Variants in KCNT1 observed in about 807,000 individuals in gnomAD.
KCNT1 encodes potassium channel subfamily T member 1.
KCNT1 carries 78 observed loss-of-function variants against 147.8 expected under a neutral mutation model. That is an observed-to-expected ratio of 0.53 (90% CI 0.44 to 0.64). The LOEUF is 0.64. KCNT1 is among the 30% of genes least tolerant of loss of function. KCNT1 has a pLI of 0.00. For synonymous variants in KCNT1, 867 were observed against 748.8 expected (o/e 1.16, Z -2.58); for missense variants, 1,419 against 1,750.3 (o/e 0.81, Z 3.38).
At chr9:135,782,075 G>T (rs751326795) in intron 24 of KCNT1, among the ~76,000 whole-genome samples, 1 of 152,278 alleles carries the variant, frequency 6.6e-6, no homozygotes, top group Non-Finnish European at 1.5e-5. Flanking sequence ...GCCGGGCGTG[G>T]TGGCTGTAAC....
At chr9:135,757,533 C>G (rs1437343452) in intron 9 of KCNT1, 152 bp downstream of exon 9, 1 of 682,288 alleles carries the variant, frequency 1.5e-6, no homozygotes, top group Non-Finnish European at 2.5e-6. Flanking sequence ...AACTCTGTCT[C>G]TGCTCCTGGA....
At chr9:135,770,102 C>A (rs373222740) in intron 16 of KCNT1, 47 bp downstream of exon 16, 6 of 1,493,822 alleles carry the variant, frequency 4.0e-6, no homozygotes, top group Non-Finnish European at 5.4e-6. Context: ...GCGGGGCCGG[C>A]GCAGGGAGAC....
chr9:135,786,269 G>A lies in KCNT1; in HGVS notation c.3250G>A (p.Gly1084Ser). The stretch of plus-strand genomic sequence containing the variant: ...GAAGGGGCCCTGGGGCTCCCGCGCT[G>A]GCACCGGAGGCAGCTCCCAGGGCCG... ...EVKGPWGSRA[G>S]TGGSSQGRHT... is the part of the protein sequence containing the mutation. Residue 1084 changes from glycine (G) to serine (S), a missense_variant, in exon 29 of 31, where the codon GGC becomes AGC. Transcript: ENST00000371757. 6.2e-7 allele frequency: 1 copy of A among 1,609,988 alleles called. No individual in the cohort carries two copies. Among genetic ancestry groups the A allele is most frequent in the Non-Finnish European group, 8.5e-7 (1 of 1,179,006 alleles).
chr9:135,751,058 G>A lies in KCNT1; in HGVS notation c.434+17G>A. The A allele has an allele frequency of 1.2e-6, 2 of 1,604,224 alleles. No individual in the cohort carries two copies. Among genetic ancestry groups the A allele is most frequent in the Non-Finnish European group, 1.7e-6 (2 of 1,177,588 alleles). ...CATCGGATGGTGGGCCACGTGCGCG[G>A]CCGGGCGCGGGGTCCCGGGTCCCAG... is the stretch of plus-strand genomic sequence containing the variant. On this transcript the variant is annotated intron_variant, in intron 4 of 30. Transcript: ENST00000371757.
At chr9:135,723,089 A>G (rs2131344449) in intron 2 of KCNT1, among the ~76,000 whole-genome samples, 1 of 152,316 alleles carries the variant, frequency 6.6e-6, no homozygotes, top group South Asian at 2.1e-4. Flanking sequence ...AACAGCGGCC[A>G]CTGTGTGAGT....
At chr9:135,779,237 A>G in intron 23 of KCNT1, 122 bp from the exon 24 acceptor site, 1 of 399,470 alleles carries the variant, frequency 2.5e-6, no homozygotes, top group Non-Finnish European at 4.4e-6. Flanking sequence ...CCCTGCCCTG[A>G]GACCCCCCCA....
intron 13 of KCNT1, among the ~76,000 whole-genome samples, chr9:135,767,841 TG>T (rs1194328309): frequency 1.3e-5 from 2 of 151,906 alleles, no homozygotes; most frequent in East Asian, 3.9e-4. Flanking sequence ...GAACAGGGCC[TG>T]GGGGAGGAAG....
intron 29 of KCNT1, 21 bp from the exon 30 acceptor site, chr9:135,791,776 G>A (rs1834551809): frequency 6.2e-7 from 1 of 1,611,512 alleles, no homozygotes; most frequent in African/African-American, 1.3e-5. Context: ...GGTGACGTCT[G>A]CCCGGCTGTG....
intron 11 of KCNT1, among the ~76,000 whole-genome samples, chr9:135,760,150 G>A (rs1355864575): frequency 6.6e-6 from 1 of 152,174 alleles, no homozygotes; most frequent in Non-Finnish European, 1.5e-5. Context: ...CCAGGCCCAG[G>A]CAGAGTGCAG....
intron 4 of KCNT1, among the ~76,000 whole-genome samples, chr9:135,751,518 G>A (rs1472847265): frequency 1.3e-5 from 2 of 152,268 alleles, no homozygotes; most frequent in South Asian, 2.1e-4. Flanking sequence ...GGGACTTCTG[G>A]GAGAGGTGCT....
intron 11 of KCNT1, among the ~76,000 whole-genome samples, chr9:135,764,217 A>G (rs569246348): frequency 2.0e-5 from 3 of 152,282 alleles, no homozygotes; most frequent in Non-Finnish European, 2.9e-5. Flanking sequence ...GCACTTCAGG[A>G]CGACAAGGCA....
chr9:135,790,412 GGCAGGTGTCAGGCCGTCCCATCCC>G (rs1304899415), intron 29 of KCNT1: 5 of 152,316 alleles, frequency 3.3e-5, no homozygotes, highest in Non-Finnish European at 5.9e-5. Flanking sequence ...AGCTGTGAGG[GGCAGGTGTCAGGCCGTCCCATCCC>G]GCAGGTGTGG....
chr9:135,758,268 G>A (rs967301273), intron 9 of KCNT1, 146 bp from the exon 10 acceptor site: 13 of 649,138 alleles, frequency 2.0e-5, no homozygotes, highest in Non-Finnish European at 3.6e-5. Context: ...CACAGGTGTG[G>A]CCAGGTACAG....
chr9:135,791,925 C>A (rs552132326), intron 30 of KCNT1, 44 bp downstream of exon 30: 2 of 1,610,194 alleles, frequency 1.2e-6, no homozygotes, highest in African/African-American at 2.7e-5. Flanking sequence ...CCCTGAGCAC[C>A]AGGTGGGCAC....
intron 2 of KCNT1, among the ~76,000 whole-genome samples, chr9:135,716,042 G>T (rs1835707969): frequency 6.6e-6 from 1 of 152,228 alleles, no homozygotes; most frequent in African/African-American, 2.4e-5. Flanking sequence ...GCAGAGGGCA[G>T]TCAGCCAGGC....
At position 135,774,983 on chromosome 9, in the gene KCNT1, C is replaced by T. The variant is rs76916715; in HGVS notation, c.2244-327C>T. Among the ~76,000 whole-genome samples the T allele has an allele frequency of 0.036, 5,462 of 152,288 alleles. 141 individuals carry two copies. Among genetic ancestry groups the T allele is most frequent in the Middle Eastern group, 0.11 (31 of 294 alleles). Reference sequence around the variant, plus strand: ...TGGCCTTGCAGCCGCTGCTGACCCGCCAGGCAGGCACGGGTCCTTAAGGTT... The same window carrying T: ...TGGCCTTGCAGCCGCTGCTGACCCGTCAGGCAGGCACGGGTCCTTAAGGTT... On this transcript the variant is annotated intron_variant, in intron 19 of 30. Coordinates refer to ENST00000371757, the MANE Select transcript of KCNT1 (RefSeq NM_020822.3).
At chr9:135,769,287 G>A (rs1359600602) in intron 15 of KCNT1, among the ~76,000 whole-genome samples, 4 of 142,354 alleles carry the variant, frequency 2.8e-5, no homozygotes, top group Admixed American at 7.0e-5. Flanking sequence ...GTGATGGTGC[G>A]TCTGGGGCAG....
chr9:135,703,963 C>T (rs1183578697), intron 1 of KCNT1, among the ~76,000 whole-genome samples: 2 of 152,254 alleles, frequency 1.3e-5, no homozygotes, highest in African/African-American at 4.8e-5. Flanking sequence ...CAGCCGCCGG[C>T]AGTGGAGGGA....
chr9:135,792,077 C>T lies in KCNT1; in HGVS notation c.3624C>T (p.Ala1208=), dbSNP rs1372740051. Residue 1208 remains alanine, a synonymous_variant, in exon 31 of 31, where the codon GCC becomes GCT. Coordinates refer to ENST00000371757, the MANE Select transcript of KCNT1 (RefSeq NM_020822.3). ...LIRSDPLAHV[A]SSSQSRKSSC... ...GCTCCGACCCCCTGGCTCACGTGGCCAGCAGCTCCCAGAGCCGGAAGAGCA... is the reference window on the plus strand; with the variant it reads ...GCTCCGACCCCCTGGCTCACGTGGCTAGCAGCTCCCAGAGCCGGAAGAGCA... 1 of 1,604,290 alleles carries T rather than the reference C, an allele frequency of 6.2e-7. No homozygotes were observed. The highest frequency in any genetic ancestry group is 2.2e-5 in the East Asian group (1 of 44,824).
Sources: allele counts gnomAD v4.1 joint callset (sites outside exome capture counted in the v4.1 genomes callset), GRCh38; gene constraint gnomAD v4.1.1; transcripts MANE v1.5; gene names NCBI Gene and HGNC (gene_info 2026-07-23, HGNC 2026-07-21).